Variants in FLACC1 observed in about 807,000 individuals in gnomAD.
FLACC1 encodes flagellum-associated coiled-coil domain-containing protein 1.
FLACC1 carries 66 observed loss-of-function variants against 62.8 expected under a neutral mutation model. That is an observed-to-expected ratio of 1.05 (90% CI 0.86 to 1.29). The LOEUF (loss-of-function observed/expected upper bound fraction) is 1.29. Among genes scored for constraint, FLACC1 ranks in the 50% most tolerant of loss-of-function variants. The probability of loss-of-function intolerance (pLI) is 0.00; values close to 1 mark genes in which losing one functional copy is unlikely to be tolerated. For missense variants in FLACC1, 452 were observed against 489.1 expected (o/e 0.92, Z 0.71); for synonymous variants, 156 against 161.0 (o/e 0.97, Z 0.24).
rs1254484868 is a variant in FLACC1 at position 201,346,926 on chromosome 2, G to GC, written c.235-252dup. Reference sequence around the variant, plus strand: ...GCCAAACCAAGCCACTGATGCCCCTGCCCCCGACTTGTGTTCACCCTCGTG... The same window carrying GC: ...GCCAAACCAAGCCACTGATGCCCCTGCCCCCCGACTTGTGTTCACCCTCGTG... On this transcript the variant is annotated intron_variant, in intron 4 of 14. Transcript: ENST00000392257. The surrounding 1 kb of genome is among the most constrained non-coding windows in gnomAD (Gnocchi z 4.0). Among the ~76,000 whole-genome samples, 1 of 152,128 alleles carries GC rather than the reference G, an allele frequency of 6.6e-6. No homozygotes were observed. The highest frequency in any genetic ancestry group is 2.4e-5 in the African/African-American group (1 of 41,426).
chr2:201,363,432 G>A, the FLACC1 span, among the ~76,000 whole-genome samples: 1 of 152,004 alleles, frequency 6.6e-6, no homozygotes, highest in South Asian at 2.1e-4. Context: ...TTGCACCCCG[G>A]CAGATCTCTA....
At chr2:201,301,884 C>T (rs546392379) in intron 11 of FLACC1, among the ~76,000 whole-genome samples, 2 of 152,268 alleles carry the variant, frequency 1.3e-5, no homozygotes, top group Admixed American at 1.3e-4. Context: ...GAAGCAAATT[C>T]TGAGAGATTT....
In FLACC1 at chr2:201,350,731, T is replaced by C. The variant is rs779917437; in HGVS notation, c.165A>G (p.Thr55=). 53 of 1,603,778 alleles carry C rather than the reference T, an allele frequency of 3.3e-5. No homozygotes were observed. The highest frequency in any genetic ancestry group is 4.4e-5 in the Non-Finnish European group (52 of 1,175,280). The change falls in exon 3 of 15, where the codon ACA becomes ACG. Residue 55 remains threonine (T), a synonymous_variant. Coordinates refer to ENST00000392257, the MANE Select transcript of FLACC1 (RefSeq NM_001127391.3). ...APKNHNYLQP[T]KPVVSPKMKI... ...CTTACTTTGGGGAAACAACAGGTTT[T>C]GTTGGTTGGAGGTAATTGTGATTTT... is the stretch of plus-strand genomic sequence containing the variant.
intron 1 of FLACC1, chr2:201,352,190 AG>A (rs1951040283): frequency 6.6e-6 from 1 of 152,148 alleles, no homozygotes; most frequent in Non-Finnish European, 1.5e-5. Flanking sequence ...TTCTCACTGA[AG>A]GGAAGAGAAA....
chr2:201,318,148 A>C (rs1425850580), intron 9 of FLACC1, among the ~76,000 whole-genome samples: 1 of 152,248 alleles, frequency 6.6e-6, no homozygotes, highest in Non-Finnish European at 1.5e-5. Context: ...AAATTCTAGA[A>C]GATAACATCA....
chr2:201,312,166 A>G (rs1020252207), intron 9 of FLACC1, among the ~76,000 whole-genome samples: 13 of 152,258 alleles, frequency 8.5e-5, no homozygotes, highest in Non-Finnish European at 1.9e-4. Flanking sequence ...ACATAATTGC[A>G]TACCTAGAAA....
chr2:201,307,008 A>G (rs1350741411), intron 11 of FLACC1, among the ~76,000 whole-genome samples: 2 of 152,340 alleles, frequency 1.3e-5, no homozygotes, highest in Admixed American at 6.5e-5. Context: ...GGAATGGCCA[A>G]AATTAAAGGA....
intron 11 of FLACC1, among the ~76,000 whole-genome samples, chr2:201,299,610 T>G (rs1949935661): frequency 6.6e-6 from 1 of 152,242 alleles, no homozygotes; most frequent in Non-Finnish European, 1.5e-5. Context: ...TTATATTCAA[T>G]GAAATCCCAG....
intron 9 of FLACC1, among the ~76,000 whole-genome samples, chr2:201,322,937 T>C (rs1950432641): frequency 6.6e-6 from 1 of 152,078 alleles, no homozygotes; most frequent in South Asian, 2.1e-4. Flanking sequence ...ACTTAGGGAA[T>C]ACAAAATGCA....
rs567740232 is a variant in FLACC1, at chr2:201,346,306, C to T, written c.368+236G>A. Reference sequence around the variant, plus strand: ...ATCCTTTGGGATCAATCACATAACTCCCAATCTTCATCCTGCCCCTTGGAT... The same window carrying T: ...ATCCTTTGGGATCAATCACATAACTTCCAATCTTCATCCTGCCCCTTGGAT... On this transcript the variant is annotated intron_variant, in intron 5 of 14. Transcript: ENST00000392257. The surrounding 1 kb of genome is among the most constrained non-coding windows in gnomAD (Gnocchi z 4.0). Among the ~76,000 whole-genome samples, 4 of 152,362 alleles carry T rather than the reference C, an allele frequency of 2.6e-5. No individual in the cohort carries two copies. The highest frequency in any genetic ancestry group is 2.1e-4 in the South Asian group (1 of 4,832).
At chr2:201,296,472 T>C (rs1949865112) in intron 12 of FLACC1, among the ~76,000 whole-genome samples, 2 of 122,348 alleles carry the variant, frequency 1.6e-5, no homozygotes, top group South Asian at 2.5e-4. Flanking sequence ...TGAGAACACA[T>C]GGACACAGGA....
chr2:201,305,748 G>T (rs1576425371), intron 11 of FLACC1, among the ~76,000 whole-genome samples: 1 of 152,214 alleles, frequency 6.6e-6, no homozygotes. Context: ...GGAATACTAT[G>T]CAGCCATAAT....
At chr2:201,348,209 A>C (rs1173246443) in intron 4 of FLACC1, 45 bp downstream of exon 4, 1 of 1,585,994 alleles carries the variant, frequency 6.3e-7, no homozygotes, top group Non-Finnish European at 8.6e-7. Flanking sequence ...CATAGTAGGC[A>C]CTCAATAAAT....
At chr2:201,347,226 G>T (rs1423293544) in intron 4 of FLACC1, among the ~76,000 whole-genome samples, 1 of 152,232 alleles carries the variant, frequency 6.6e-6, no homozygotes, top group African/African-American at 2.4e-5. Context: ...CCTGGGCAGG[G>T]CCTCTGCTGG....
intron 11 of FLACC1, among the ~76,000 whole-genome samples, chr2:201,306,502 C>T (rs1281165984): frequency 1.3e-5 from 2 of 152,020 alleles, no homozygotes; most frequent in African/African-American, 2.4e-5. Context: ...ACAAAAATGA[C>T]CCATGACTCT....
intron 12 of FLACC1, among the ~76,000 whole-genome samples, chr2:201,294,574 G>T (rs892573545): frequency 2.0e-5 from 3 of 152,222 alleles, no homozygotes; most frequent in Admixed American, 6.5e-5. Flanking sequence ...CATACTGAAT[G>T]GGCAAAAACT....
chr2:201,355,640 G>A (rs911064102), intron 1 of FLACC1, among the ~76,000 whole-genome samples: 19 of 152,026 alleles, frequency 1.2e-4, no homozygotes, highest in African/African-American at 3.4e-4. Flanking sequence ...TGGGAGAGTC[G>A]CTTGAGGCTA....
At position 201,326,723 on chromosome 2, in the gene FLACC1, T is replaced by C. The variant is rs895045920; in HGVS notation, c.675+3747A>G. Among the ~76,000 whole-genome samples, 1 of 152,156 alleles carries C rather than the reference T, an allele frequency of 6.6e-6. No individual in the cohort carries two copies. Among genetic ancestry groups the C allele is most frequent in the Non-Finnish European group, 1.5e-5 (1 of 68,012 alleles). On this transcript the variant is annotated intron_variant, in intron 9 of 14. Transcript: ENST00000392257. This position sits in a 1 kb window ranked among gnomAD's most constrained non-coding sequence, Gnocchi z 4.1. ...GCTCATGGATTGGAAGAATCAACGT[T>C]GTGAAAATGACCATACTGCCCAAAG...
chr2:201,362,092 C>T (rs994367807), upstream of FLACC1, among the ~76,000 whole-genome samples: 1 of 152,184 alleles, frequency 6.6e-6, no homozygotes, highest in Non-Finnish European at 1.5e-5. Flanking sequence ...TAGCCTAACT[C>T]AAATTTAATA....
Sources: allele counts gnomAD v4.1 joint callset (sites outside exome capture counted in the v4.1 genomes callset), GRCh38; gene constraint gnomAD v4.1.1; non-coding constraint Gnocchi (gnomAD v3.1); transcripts MANE v1.5; gene names NCBI Gene and HGNC (gene_info 2026-07-23, HGNC 2026-07-21).